ANKFN1: variants seen among roughly 807,000 people sequenced by gnomAD.
ANKFN1 encodes the protein ankyrin repeat and fibronectin type-III domain-containing protein 1.
ANKFN1 carries 74 observed loss-of-function variants against 108.7 expected under a neutral mutation model. The observed-to-expected ratio is 0.68, with a 90% CI of 0.56 to 0.83. The LOEUF (loss-of-function observed/expected upper bound fraction) is 0.83. ANKFN1 is among the 40% of genes least tolerant of loss of function. ANKFN1 has a pLI of 0.00. For synonymous variants in ANKFN1, 547 were observed against 516.2 expected (o/e 1.06, Z -0.81); for missense variants, 1,505 against 1,382.3 (o/e 1.09, Z -1.41).
chr17:56,275,760 A>G (rs181382214), intron 3 of ANKFN1, among the ~76,000 whole-genome samples: 10 of 152,244 alleles, frequency 6.6e-5, no homozygotes, highest in African/African-American at 2.2e-4. Context: ...AATGCAGGAG[A>G]AACTGTTGAA....
chr17:56,243,200 A>G, intron 3 of ANKFN1, among the ~76,000 whole-genome samples: 1 of 152,088 alleles, frequency 6.6e-6, no homozygotes. Flanking sequence ...TTTTATGAAT[A>G]TCTTACTTTC....
At chr17:56,210,989 A>T (rs1914952945) in intron 1 of ANKFN1, among the ~76,000 whole-genome samples, 2 of 152,318 alleles carry the variant, frequency 1.3e-5, no homozygotes, top group South Asian at 4.1e-4. Flanking sequence ...TCACTTATAG[A>T]TTCTGGATAT....
intron 4 of ANKFN1, among the ~76,000 whole-genome samples, chr17:56,075,139 C>A (rs1905166563): frequency 6.6e-6 from 1 of 152,112 alleles, no homozygotes; most frequent in African/African-American, 2.4e-5. Context: ...TCATGAGAGT[C>A]CAAATTATCA....
At chr17:56,373,565 G>T (rs929501523) in intron 7 of ANKFN1, among the ~76,000 whole-genome samples, 17 of 152,202 alleles carry the variant, frequency 1.1e-4, no homozygotes, top group African/African-American at 2.4e-4. Context: ...ATAAGGGAAA[G>T]TTCGTTAGTT....
chr17:56,200,506 A>G (rs1913955873), intron 1 of ANKFN1, among the ~76,000 whole-genome samples: 1 of 152,182 alleles, frequency 6.6e-6, no homozygotes. Context: ...ATTACACAGA[A>G]CCTCAACATC....
chr17:56,201,243 T>C (rs1914028310), intron 1 of ANKFN1, among the ~76,000 whole-genome samples: 1 of 152,130 alleles, frequency 6.6e-6, no homozygotes, highest in African/African-American at 2.4e-5. Flanking sequence ...AAACCCACCA[T>C]AGTTCCTCCC....
At chr17:56,440,215 T>C in intron 8 of ANKFN1, 112 bp from the exon 9 acceptor site, 1 of 499,744 alleles carries the variant, frequency 2.0e-6, no homozygotes, top group Non-Finnish European at 3.5e-6. Flanking sequence ...GAGGGTGCAC[T>C]TAACTCTTTC....
At chr17:56,239,299 GA>G (rs1462914757) in intron 3 of ANKFN1, among the ~76,000 whole-genome samples, 1 of 152,088 alleles carries the variant, frequency 6.6e-6, no homozygotes, top group Non-Finnish European at 1.5e-5. Flanking sequence ...AGATAGAAGG[GA>G]AAAGATCTAG....
At chr17:56,183,413 C>G (rs572345924) in intron 1 of ANKFN1, among the ~76,000 whole-genome samples, 1 of 152,122 alleles carries the variant, frequency 6.6e-6, no homozygotes, top group African/African-American at 2.4e-5. Context: ...AAATGTGATC[C>G]CCAGTGTTGG....
intron 1 of ANKFN1, among the ~76,000 whole-genome samples, chr17:56,181,109 A>C (rs981941369): frequency 6.6e-6 from 1 of 152,188 alleles, no homozygotes; most frequent in African/African-American, 2.4e-5. Context: ...CTAGGGAATG[A>C]GTGATGCTCT....
chr17:56,505,712 G>A (rs2051533923), intron 20 of ANKFN1, among the ~76,000 whole-genome samples: 1 of 152,216 alleles, frequency 6.6e-6, no homozygotes, highest in African/African-American at 2.4e-5. Flanking sequence ...AAAGAACTGA[G>A]CAACTAACTC....
At chr17:56,235,753 G>T (rs1412149229) in intron 3 of ANKFN1, among the ~76,000 whole-genome samples, 1 of 152,036 alleles carries the variant, frequency 6.6e-6, no homozygotes, top group Admixed American at 6.5e-5. Context: ...TTTGGTTACC[G>T]CAGCCCTGTA....
chr17:56,278,059 A>G (rs926694139), intron 3 of ANKFN1, among the ~76,000 whole-genome samples: 7 of 152,222 alleles, frequency 4.6e-5, no homozygotes, highest in African/African-American at 1.7e-4. Context: ...CAAGAGATAA[A>G]CTGGCTCTAT....
In ANKFN1 at chr17:56,133,099, C is replaced by G. The variant is rs192529115; in HGVS notation, c.288+86774C>G. Among the ~76,000 whole-genome samples, 277 of 152,224 alleles carry G rather than the reference C, an allele frequency of 1.8e-3. 1 individual carries two copies. The highest frequency in any genetic ancestry group is 6.5e-3 in the African/African-American group (270 of 41,546). On this transcript the variant is annotated intron_variant, in intron 4 of 12. Transcript: ENST00000635860. Reference sequence around the variant, plus strand: ...CATTCAGGCTTACCTTTCTAGATACCAACCCAGGAAAGTCAACTCTCTGTT... The same window carrying G: ...CATTCAGGCTTACCTTTCTAGATACGAACCCAGGAAAGTCAACTCTCTGTT...
intron 1 of ANKFN1, among the ~76,000 whole-genome samples, chr17:56,208,863 G>A (rs1914738458): frequency 6.6e-6 from 1 of 151,900 alleles, no homozygotes; most frequent in African/African-American, 2.4e-5. Context: ...CACCAGTCAT[G>A]ATGCCTCTTT....
At chr17:56,487,812 A>G (rs534189198) in intron 18 of ANKFN1, among the ~76,000 whole-genome samples, 2 of 152,356 alleles carry the variant, frequency 1.3e-5, no homozygotes, top group East Asian at 3.9e-4. Flanking sequence ...TGTATCTTGA[A>G]GGATAAACAG....
chr17:56,121,199 G>A (rs78144033), intron 4 of ANKFN1, among the ~76,000 whole-genome samples: 1,607 of 151,742 alleles, frequency 0.011, 24 homozygotes, highest in African/African-American at 0.036. Flanking sequence ...TCCAAGCAGC[G>A]TGTTCTACTT....
chr17:56,159,719 G>A (rs571427854), intron 1 of ANKFN1, among the ~76,000 whole-genome samples: 6 of 152,166 alleles, frequency 3.9e-5, no homozygotes, highest in African/African-American at 1.4e-4. Flanking sequence ...CTTGAACATC[G>A]TCAGTCTTGC....
At chr17:56,334,059 A>C (rs1027855514) in intron 4 of ANKFN1, among the ~76,000 whole-genome samples, 5 of 152,260 alleles carry the variant, frequency 3.3e-5, no homozygotes, top group Admixed American at 3.3e-4. Context: ...AGTATTATTA[A>C]ATTAAAATAA....
Sources: gnomAD v4.1 joint callset for allele counts (sites outside exome capture counted in the v4.1 genomes callset) on GRCh38, gnomAD v4.1.1 for gene constraint, MANE v1.5 for transcripts, NCBI Gene and HGNC (gene_info 2026-07-23, HGNC 2026-07-21) for gene names.